The following SYNCRIP variants were observed in gnomAD, a reference collection of about 807,000 sequenced individuals.
The protein encoded by SYNCRIP is heterogeneous nuclear ribonucleoprotein Q.
Under a neutral mutation model 68.9 loss-of-function variants are expected in SYNCRIP, and 9 were observed. The observed-to-expected ratio is 0.13, with a 90% CI of 0.08 to 0.23. The LOEUF (loss-of-function observed/expected upper bound fraction) is 0.23, where lower values mean the gene tolerates loss of function less well. Among genes scored for constraint, SYNCRIP ranks in the 10% least tolerant of loss-of-function variants. The probability of loss-of-function intolerance (pLI) is 1.00; values close to 1 mark genes in which losing one functional copy is unlikely to be tolerated. For missense variants in SYNCRIP, 414 were observed against 770.6 expected, an observed-to-expected ratio of 0.54 and a Z score of 5.48; for synonymous variants, 258 against 254.0, an observed-to-expected ratio of 1.02 and a Z score of -0.15.
intron 4 of SYNCRIP, among the ~76,000 whole-genome samples, chr6:85,639,561 C>T (rs1365741490): frequency 1.3e-5 from 2 of 152,166 alleles, no homozygotes; most frequent in Admixed American, 6.5e-5. Flanking sequence ...TTAAACCATA[C>T]GCTTGGCTCA....
At position 85,614,777 on chromosome 6, in the gene SYNCRIP, A is replaced by T; in HGVS notation, c.1851T>A (p.Thr617=). 6.2e-7 allele frequency: 1 copy of T among 1,604,628 alleles called. No homozygotes were observed. Among genetic ancestry groups the T allele is most frequent in the Non-Finnish European group, 8.5e-7 (1 of 1,175,950 alleles). ...KSENQEFYQD[T]FGQQWK Reference sequence around the variant, plus strand: ...GTTTCTACTTCCACTGTTGCCCAAAAGTATCCTGATAAAACTCCTGGTTTT... The same window carrying T: ...GTTTCTACTTCCACTGTTGCCCAAATGTATCCTGATAAAACTCCTGGTTTT... Residue 617 remains threonine (T), a synonymous_variant, in exon 11 of 11, where the codon ACT becomes ACA. Coordinates refer to ENST00000369622, the MANE Select transcript of SYNCRIP (RefSeq NM_006372.5).
intron 6 of SYNCRIP, among the ~76,000 whole-genome samples, chr6:85,629,516 C>CAAAAAAAAAAAAA (rs781083306): frequency 5.3e-3 from 345 of 64,702 alleles, no homozygotes; most frequent in Middle Eastern, 0.012. Context: ...ACTAAAAATA[C>CAAAAAAAAAAAAA]AAAAAAAAAA....
At chr6:85,636,214 G>A (rs574484166) in intron 6 of SYNCRIP, among the ~76,000 whole-genome samples, 1 of 152,272 alleles carries the variant, frequency 6.6e-6, no homozygotes, top group South Asian at 2.1e-4. Context: ...GGAGGCCGAA[G>A]CGAGTGGATC....
intron 7 of SYNCRIP, among the ~76,000 whole-genome samples, chr6:85,623,104 T>C (rs528713383): frequency 1.3e-5 from 2 of 152,340 alleles, no homozygotes; most frequent in African/African-American, 2.4e-5. Context: ...TCAAATAAAA[T>C]AGAAGTTATA....
Position 85,633,678 on chromosome 6 carries a change from A to AT in SYNCRIP, c.666+3288dup, listed in dbSNP as rs796961110. Reference sequence around the variant, plus strand: ...TGTATACCAATACCTACCATTGGAAATTTTTTTTTTCCCCCTTTTTGGTTT... The same window carrying AT: ...TGTATACCAATACCTACCATTGGAAATTTTTTTTTTTCCCCCTTTTTGGTTT... On this transcript the variant is annotated intron_variant, in intron 6 of 10. Transcript: ENST00000369622. 4.4e-3 allele frequency among the ~76,000 whole-genome samples: 665 copies of AT among 151,072 alleles called. 6 individuals carry two copies. The highest frequency in any genetic ancestry group is 0.015 in the African/African-American group (610 of 41,190).
intron 4 of SYNCRIP, among the ~76,000 whole-genome samples, chr6:85,639,593 G>A (rs1232054400): frequency 6.6e-6 from 1 of 152,028 alleles, no homozygotes; most frequent in Non-Finnish European, 1.5e-5. Flanking sequence ...ACACTACAAA[G>A]CACACCAGGT....
chr6:85,639,145 T>C (rs1039799442), intron 4 of SYNCRIP, among the ~76,000 whole-genome samples: 1 of 151,898 alleles, frequency 6.6e-6, no homozygotes, highest in Admixed American at 6.6e-5. Context: ...GAGGTGGAGG[T>C]TGCAGTGAGC....
At chr6:85,633,145 A>T (rs1808012679) in intron 6 of SYNCRIP, among the ~76,000 whole-genome samples, 1 of 151,092 alleles carries the variant, frequency 6.6e-6, no homozygotes, top group Admixed American at 6.6e-5. Flanking sequence ...AGTACCAGCT[A>T]CTCAGGAGGC....
chr6:85,637,605 C>T (rs1342575649), intron 4 of SYNCRIP, among the ~76,000 whole-genome samples: 2 of 152,222 alleles, frequency 1.3e-5, no homozygotes, highest in African/African-American at 4.8e-5. Flanking sequence ...GAATAGTGTG[C>T]TTAATGGACA....
chr6:85,628,023 C>A (rs1807256702), intron 6 of SYNCRIP, among the ~76,000 whole-genome samples: 1 of 151,994 alleles, frequency 6.6e-6, no homozygotes, highest in Admixed American at 6.6e-5. Context: ...CTCAGCAAAG[C>A]CCCTACCTCC....
At chr6:85,641,103 A>C (rs953687128) in intron 2 of SYNCRIP, among the ~76,000 whole-genome samples, 189 bp downstream of exon 2, 4 of 151,976 alleles carry the variant, frequency 2.6e-5, no homozygotes, top group African/African-American at 9.7e-5. Context: ...TTTAGCTCCT[A>C]ACCTTCTCTT....
chr6:85,641,571 TAA>T, intron 1 of SYNCRIP, 120 bp from the exon 2 acceptor site: 1 of 978,006 alleles, frequency 1.0e-6, no homozygotes, highest in Non-Finnish European at 1.5e-6. Flanking sequence ...TACCTCCCTT[TAA>T]AAAAGCCTTA....
chr6:85,636,797 T>TA (rs1434885196), intron 6 of SYNCRIP, among the ~76,000 whole-genome samples, 170 bp downstream of exon 6: 1 of 151,910 alleles, frequency 6.6e-6, no homozygotes, highest in East Asian at 1.9e-4. Flanking sequence ...CTATCAACTA[T>TA]ACATGCAAAG....
downstream of SYNCRIP, chr6:85,609,426 T>C (rs1332617038): frequency 2.0e-5 from 3 of 151,914 alleles, no homozygotes; most frequent in Non-Finnish European, 4.4e-5. Flanking sequence ...GATCACCCCA[T>C]CAATCCATTT....
chr6:85,636,227 C>T (rs754763270), intron 6 of SYNCRIP, among the ~76,000 whole-genome samples: 4 of 152,026 alleles, frequency 2.6e-5, no homozygotes, highest in East Asian at 1.9e-4. Flanking sequence ...AGTGGATCAC[C>T]GGAGGTCAGG....
chr6:85,612,566 A>G (rs561583406), downstream of SYNCRIP: 58 of 200,714 alleles, frequency 2.9e-4, no homozygotes, highest in African/African-American at 1.3e-3. Context: ...AAATCTACTT[A>G]GAGCAGATTT....
intron 8 of SYNCRIP, among the ~76,000 whole-genome samples, chr6:85,620,534 G>A (rs1041251264): frequency 2.6e-5 from 4 of 152,208 alleles, no homozygotes; most frequent in Non-Finnish European, 4.4e-5. Context: ...ACAGGACAGA[G>A]GATTTTTAGG....
chr6:85,615,202 T>C lies in SYNCRIP; in HGVS notation c.1426A>G (p.Asn476Asp). Residue 476 changes from asparagine (N) to aspartate (D), a missense_variant, in exon 11 of 11, where the codon AAC becomes GAC. By Grantham distance (23) the Asn-to-Asp change is conservative. Transcript: ENST00000369622. Reference sequence around the variant, plus strand: ...GGATCTTCATATCCACCACGATAGTTATGGTAATCATAACCATAATAATCA... The same window carrying C: ...GGATCTTCATATCCACCACGATAGTCATGGTAATCATAACCATAATAATCA... ...YYDYYGYDYH[N>D]YRGGYEDPYY... The C allele has an allele frequency of 1.2e-6, 2 of 1,610,786 alleles. No homozygotes were observed. The highest frequency in any genetic ancestry group is 1.7e-6 in the Non-Finnish European group (2 of 1,178,142).
At chr6:85,641,539 AT>A in intron 1 of SYNCRIP, 88 bp from the exon 2 acceptor site, 2 of 1,324,294 alleles carry the variant, frequency 1.5e-6, no homozygotes. Context: ...TTTCTCTACC[AT>A]TTACTACACC....
Sources: allele counts gnomAD v4.1 joint callset (sites outside exome capture counted in the v4.1 genomes callset), GRCh38; gene constraint gnomAD v4.1.1; transcripts MANE v1.5; gene names NCBI Gene and HGNC (gene_info 2026-07-23, HGNC 2026-07-21).